The following RHOC variants were observed in gnomAD, a reference collection of about 807,000 sequenced individuals.
The protein encoded by RHOC is ras homolog family member C, also known as rho-related GTP-binding protein RhoC.
RHOC carries 13 observed loss-of-function variants against 19.5 expected under a neutral mutation model. The ratio of observed to expected loss-of-function variants is 0.67; its 90% CI spans 0.43 to 1.06. The LOEUF (loss-of-function observed/expected upper bound fraction) is 1.06. Among genes scored for constraint, RHOC ranks in the 50% least tolerant of loss-of-function variants. The pLI is 0.00. For synonymous variants in RHOC, 106 were observed against 97.3 expected (o/e 1.09, Z -0.52); for missense variants, 173 against 256.9 (o/e 0.67, Z 2.23).
intron 1 of RHOC, among the ~76,000 whole-genome samples, chr1:112,706,442 CA>C (rs1193177376): frequency 4.8e-4 from 21 of 43,576 alleles, no homozygotes; most frequent in African/African-American, 1.4e-3. Context: ...CACACACACA[CA>C]CACACACACA....
rs769835210 is a variant in RHOC, at chr1:112,701,579, G to A, written c.543C>T (p.Val181=). 1 of 1,614,094 alleles carries A rather than the reference G, an allele frequency of 6.2e-7. No individual in the cohort carries two copies. The highest frequency in any genetic ancestry group is 1.1e-5 in the South Asian group (1 of 91,084). ...AGCCCCTCCGACGCTTGTTCTTGCG[G>A]ACCTGGAGGCCAGCCCGAGTGGCCA... ...FEMATRAGLQ[V]RKNKRRRGCP... Residue 181 remains valine, a synonymous_variant, in exon 6 of 6, where the codon GTC becomes GTT. Coordinates refer to ENST00000339083, the MANE Select transcript of RHOC (RefSeq NM_175744.5).
rs201226670 is a variant in RHOC, at chr1:112,701,724, A to T, written c.409-11T>A. On this transcript the variant is annotated splice_polypyrimidine_tract_variant and intron_variant, in intron 5 of 5. Coordinates refer to ENST00000339083, the MANE Select transcript of RHOC (RefSeq NM_175744.5). Reference sequence around the variant, plus strand: ...AGACCGAACGGGCTCCTGAGAAGACATAAGATGAGGGGTCAAAGGAAGCTG... The same window carrying T: ...AGACCGAACGGGCTCCTGAGAAGACTTAAGATGAGGGGTCAAAGGAAGCTG... 3 of 1,613,584 alleles carry T rather than the reference A, an allele frequency of 1.9e-6. No homozygotes were observed. The highest frequency in any genetic ancestry group is 2.2e-5 in the South Asian group (2 of 91,072).
At position 112,701,713 on chromosome 1, in the gene RHOC, C is replaced by A. The variant is rs1354608494; in HGVS notation, c.409G>T (p.Glu137Ter). 2.5e-6 allele frequency: 4 copies of A among 1,613,692 alleles called. No individual in the cohort carries two copies. Residue 137 changes from glutamate (E) to a stop codon, truncating the protein, a stop_gained and splice_region_variant, in exon 6 of 6, where the codon GAG becomes TAG. Transcript: ENST00000339083. LOFTEE classifies it high-confidence loss of function. ...TRRELAKMKQ[E>*]PVRSEEGRDM... ...CGGCCTTCCTCAGACCGAACGGGCT[C>A]CTGAGAAGACATAAGATGAGGGGTC...
chr1:112,706,430 TACACACACACACAC>T (rs149206424), intron 1 of RHOC, among the ~76,000 whole-genome samples: 35 of 49,694 alleles, frequency 7.0e-4, no homozygotes, highest in African/African-American at 2.7e-3. Context: ...TCTCTCTCTC[TACACACACACACAC>T]ACACACACAC....
chr1:112,704,109 G>A (rs1461739158), intron 2 of RHOC, among the ~76,000 whole-genome samples: 3 of 152,214 alleles, frequency 2.0e-5, no homozygotes, highest in African/African-American at 7.2e-5. Flanking sequence ...GGGACTCCAG[G>A]TAGCTAGAGA....
rs1674640828 is a variant in RHOC, at chr1:112,701,711, C to A, written c.411G>T (p.Glu137Asp). Residue 137 changes from glutamate to aspartate, a missense_variant and splice_region_variant, in exon 6 of 6, where the codon GAG (glutamate) becomes GAT (aspartate). Around this residue, in one of 2 missense-constraint regions of RHOC, gnomAD observed 81 missense variants for 85.8 expected, o/e 0.94. Transcript: ENST00000339083. ...CCCGGCCTTCCTCAGACCGAACGGG[C>A]TCCTGAGAAGACATAAGATGAGGGG... ...TRRELAKMKQ[E>D]PVRSEEGRDM... 1.2e-6 allele frequency: 2 copies of A among 1,613,818 alleles called. No homozygotes were observed. The highest frequency in any genetic ancestry group is 1.7e-6 in the Non-Finnish European group (2 of 1,179,988).
chr1:112,703,190 A>C (rs1371264107), intron 3 of RHOC, 71 bp from the exon 4 acceptor site: 1 of 1,581,374 alleles, frequency 6.3e-7, no homozygotes, highest in Non-Finnish European at 8.6e-7. Context: ...CCCTGAAACC[A>C]CTGTCCTTCG....
rs539171607 is a variant in RHOC at position 112,703,200 on chromosome 1, G to A, written c.157-81C>T. 2.2e-4 allele frequency: 345 copies of A among 1,536,974 alleles called. 1 individual carries two copies. Among genetic ancestry groups the A allele is most frequent in the East Asian group, 4.6e-4 (20 of 43,108 alleles). On this transcript the variant is annotated intron_variant, in intron 3 of 5. Coordinates refer to ENST00000339083, the MANE Select transcript of RHOC (RefSeq NM_175744.5). Reference sequence around the variant, plus strand: ...AGGTCCCCTGAAACCACTGTCCTTCGGGCTCACTGAACTTCTTTATTTGAG... The same window carrying A: ...AGGTCCCCTGAAACCACTGTCCTTCAGGCTCACTGAACTTCTTTATTTGAG...
chr1:112,706,465 CACACACACA>C (rs1674870647), intron 1 of RHOC, among the ~76,000 whole-genome samples: 1 of 4,758 alleles, frequency 2.1e-4, no homozygotes, highest in African/African-American at 7.3e-4. Flanking sequence ...ACACACACAC[CACACACACA>C]CACACACACA....
intron 1 of RHOC, 175 bp from the exon 2 acceptor site, chr1:112,705,343 G>A: frequency 1.6e-6 from 1 of 620,040 alleles, no homozygotes; most frequent in East Asian, 2.7e-5. Context: ...GTCAAACTGG[G>A]CTGACTGAAC....
At chr1:112,703,155 G>T in intron 3 of RHOC, 36 bp from the exon 4 acceptor site, 2 of 1,611,056 alleles carry the variant, frequency 1.2e-6, no homozygotes, top group Non-Finnish European at 1.7e-6. Context: ...TGGCCTGAGG[G>T]CCCCAACCCT....
rs771531775 is a variant in RHOC, at chr1:112,703,764, C to A, written c.36G>T (p.Gly12=). The change falls in exon 3 of 6, where the codon GGG becomes GGT. Residue 12 remains glycine (G), a synonymous_variant. Coordinates refer to ENST00000339083, the MANE Select transcript of RHOC (RefSeq NM_175744.5). ...GGCAGGTCTTCCCACAGGCACCATC[C>A]CCAACGATCACCAGCTTCTTTCGGA... The part of the protein sequence containing the change: ...AAIRKKLVIV[G]DGACGKTCLL... The A allele has an allele frequency of 5.6e-6, 9 of 1,612,744 alleles. No individual in the cohort carries two copies. The South Asian group carries it at 1.0e-4, about 18-fold the overall frequency.
At chr1:112,703,868 A>T (rs980513702) in intron 2 of RHOC, 62 bp from the exon 3 acceptor site, 121 of 1,509,104 alleles carry the variant, frequency 8.0e-5, no homozygotes, top group Non-Finnish European at 1.1e-4. Flanking sequence ...ACACTTCTCT[A>T]GGGCCCCCAA....
chr1:112,706,486 A>ACCCC (rs1557780753), intron 1 of RHOC, among the ~76,000 whole-genome samples: 2 of 17,638 alleles, frequency 1.1e-4, no homozygotes, highest in African/African-American at 3.8e-4. Flanking sequence ...ACACACACAC[A>ACCCC]CACACACACA....
Position 112,701,227 on chromosome 1 carries a change from C to G in RHOC, c.*313G>C, listed in dbSNP as rs1205723224. On this transcript the variant is annotated 3_prime_UTR_variant, in exon 6 of 6. Transcript: ENST00000339083. ...ACTCCAGGGGCCTGGGACTCTGGGT[C>G]CCCTACTGCAGACACTTTCCTGTGA... The G allele has an allele frequency of 1.5e-6, 1 of 647,368 alleles. No individual in the cohort carries two copies. Among genetic ancestry groups the G allele is most frequent in the East Asian group, 2.8e-5 (1 of 36,174 alleles). 40.1% of individuals were successfully genotyped at this position (647,368 alleles called of 1,614,324 possible). A position where few individuals can be genotyped will look rare whatever the true frequency, so the allele number is the denominator to read the frequency against.
chr1:112,701,357 C>G lies in RHOC; in HGVS notation c.*183G>C. ...GAAGGGCAGGGCATAGGCGTGGCTC[C>G]CAGAGCGCTGGGAGGGAGGGCCCGT... On this transcript the variant is annotated 3_prime_UTR_variant, in exon 6 of 6. Transcript: ENST00000339083. The G allele has an allele frequency of 6.7e-7, 1 of 1,502,820 alleles. No individual in the cohort carries two copies. Among genetic ancestry groups the G allele is most frequent in the Non-Finnish European group, 8.9e-7 (1 of 1,120,898 alleles). The allele number at this position is 1,502,820 out of a possible 1,614,324, so 93.1% of individuals were successfully genotyped here. A position where few individuals can be genotyped will look rare whatever the true frequency, so the allele number is the denominator to read the frequency against.
chr1:112,703,619 G>A, intron 3 of RHOC, 25 bp downstream of exon 3: 1 of 1,597,110 alleles, frequency 6.3e-7, no homozygotes, highest in South Asian at 1.1e-5. Flanking sequence ...TCAGGGTGGG[G>A]TGGGAAGGGC....
At position 112,702,713 on chromosome 1, in the gene RHOC, C is replaced by A. The variant is rs1282232101; in HGVS notation, c.278-20G>T. 1 of 1,613,888 alleles carries A rather than the reference C, an allele frequency of 6.2e-7. No individual in the cohort carries two copies. ...TGTTTTCTGTGTAGACATGCACCAA[C>A]AGGTGTCGGTGCCTCCACTTAAGCT... On this transcript the variant is annotated intron_variant, in intron 4 of 5. Coordinates refer to ENST00000339083, the MANE Select transcript of RHOC (RefSeq NM_175744.5).
chr1:112,701,367 G>A lies in RHOC; in HGVS notation c.*173C>T. The A allele has an allele frequency of 6.6e-7, 1 of 1,515,328 alleles. No individual in the cohort carries two copies. The allele number at this position is 1,515,328 out of a possible 1,614,324, so 93.9% of individuals were successfully genotyped here. ...GCATAGGCGTGGCTCCCAGAGCGCT[G>A]GGAGGGAGGGCCCGTGCCACCACCT... On this transcript the variant is annotated 3_prime_UTR_variant, in exon 6 of 6. Transcript: ENST00000339083.
Sources: allele counts gnomAD v4.1 joint callset (sites outside exome capture counted in the v4.1 genomes callset), GRCh38; gene constraint gnomAD v4.1.1; regional missense constraint gnomAD v4.1.1; transcripts MANE v1.5; gene names NCBI Gene and HGNC (gene_info 2026-07-23, HGNC 2026-07-21).